Variants in SGCZ observed in about 807,000 individuals in gnomAD.
SGCZ encodes zeta-sarcoglycan.
Under a neutral mutation model 41.3 loss-of-function variants are expected in SGCZ, and 40 were observed. The ratio of observed to expected loss-of-function variants is 0.97; its 90% confidence interval spans 0.75 to 1.26. SGCZ has a LOEUF of 1.26. SGCZ is among the 50% of genes most tolerant of loss of function. The probability of loss-of-function intolerance (pLI) is 0.00; values close to 1 mark genes in which losing one functional copy is unlikely to be tolerated. For synonymous variants in SGCZ, 206 were observed against 137.5 expected, an observed-to-expected ratio of 1.50 and a Z score of -3.49; for missense variants, 552 against 369.8, an observed-to-expected ratio of 1.49 and a Z score of -4.04.
At chr8:14,369,538 T>C (rs1221130898) in intron 2 of SGCZ, among the ~76,000 whole-genome samples, 1 of 151,992 alleles carries the variant, frequency 6.6e-6, no homozygotes, top group African/African-American at 2.4e-5. Flanking sequence ...ATCTCCCAGG[T>C]TTCTCTACTG....
At chr8:15,210,259 C>CCACT (rs1395591194) in intron 1 of SGCZ, among the ~76,000 whole-genome samples, 1 of 152,054 alleles carries the variant, frequency 6.6e-6, no homozygotes, top group African/African-American at 2.4e-5. Context: ...TTTGCTATAG[C>CCACT]CACTTTTAGA....
chr8:15,211,750 C>G (rs778321597), intron 1 of SGCZ, among the ~76,000 whole-genome samples: 9 of 152,138 alleles, frequency 5.9e-5, no homozygotes, highest in Non-Finnish European at 1.0e-4. Flanking sequence ...CAACCTCTCC[C>G]CTTCTAATAA....
chr8:14,577,760 A>G (rs527738892), intron 1 of SGCZ, among the ~76,000 whole-genome samples: 7 of 152,288 alleles, frequency 4.6e-5, no homozygotes, highest in African/African-American at 1.7e-4. Context: ...AGTAACATTC[A>G]TCATTTTATC....
intron 1 of SGCZ, among the ~76,000 whole-genome samples, chr8:14,970,460 A>G (rs891033867): frequency 2.0e-5 from 3 of 152,124 alleles, no homozygotes; most frequent in African/African-American, 7.2e-5. Flanking sequence ...TTTAGACTTC[A>G]TATTTAGGTC....
intron 4 of SGCZ, among the ~76,000 whole-genome samples, chr8:14,211,953 T>G (rs1028801850): frequency 5.3e-5 from 8 of 152,168 alleles, no homozygotes; most frequent in Non-Finnish European, 1.2e-4. Flanking sequence ...CAGAAAGTTC[T>G]GAATCTCAGT....
chr8:14,768,366 T>A (rs887885448), intron 1 of SGCZ, among the ~76,000 whole-genome samples: 5 of 152,348 alleles, frequency 3.3e-5, no homozygotes, highest in Non-Finnish European at 1.5e-5. Context: ...CCATGTTGCG[T>A]CCTATAGTGA....
At chr8:15,148,272 G>A (rs1371415886) in intron 1 of SGCZ, among the ~76,000 whole-genome samples, 6 of 152,186 alleles carry the variant, frequency 3.9e-5, no homozygotes, top group South Asian at 2.1e-4. Flanking sequence ...AATAGTAGTT[G>A]GGATAAGCTG....
intron 6 of SGCZ, among the ~76,000 whole-genome samples, chr8:14,106,394 A>G (rs894720928): frequency 1.3e-5 from 2 of 152,206 alleles, no homozygotes; most frequent in Non-Finnish European, 2.9e-5. Flanking sequence ...TAGGGTTTCT[A>G]TATAGAGTAG....
At chr8:14,107,706 A>ATATC (rs1802249617) in intron 6 of SGCZ, among the ~76,000 whole-genome samples, 3 of 152,064 alleles carry the variant, frequency 2.0e-5, no homozygotes, top group Non-Finnish European at 4.4e-5. Context: ...CGGCATGATC[A>ATATC]TATCTCACTG....
intron 1 of SGCZ, among the ~76,000 whole-genome samples, chr8:15,206,064 A>G (rs1801052255): frequency 6.6e-6 from 1 of 152,142 alleles, no homozygotes; most frequent in South Asian, 2.1e-4. Context: ...AGCAGAAACA[A>G]AATAACTATT....
chr8:15,134,972 C>CT (rs1324791941), intron 1 of SGCZ, among the ~76,000 whole-genome samples: 12 of 152,222 alleles, frequency 7.9e-5, no homozygotes, highest in African/African-American at 2.2e-4. Flanking sequence ...TGTGGTTACT[C>CT]TAAGCGTTAG....
intron 1 of SGCZ, among the ~76,000 whole-genome samples, chr8:14,596,497 A>C (rs999691012): frequency 6.6e-6 from 1 of 152,232 alleles, no homozygotes; most frequent in African/African-American, 2.4e-5. Flanking sequence ...CATATGGTTT[A>C]AATAATAATA....
chr8:14,131,561 C>G (rs1259120678), intron 5 of SGCZ, among the ~76,000 whole-genome samples: 1 of 152,056 alleles, frequency 6.6e-6, no homozygotes, highest in African/African-American at 2.4e-5. Flanking sequence ...TTATACATTC[C>G]CTTTTTGTCT....
At chr8:14,885,298 T>A (rs983129816) in intron 1 of SGCZ, among the ~76,000 whole-genome samples, 1 of 152,160 alleles carries the variant, frequency 6.6e-6, no homozygotes, top group East Asian at 1.9e-4. Flanking sequence ...AGTGGGTGTT[T>A]GGGGATTAAT....
chr8:14,915,577 G>C (rs1303386917), intron 1 of SGCZ, among the ~76,000 whole-genome samples: 1 of 152,136 alleles, frequency 6.6e-6, no homozygotes, highest in Non-Finnish European at 1.5e-5. Context: ...GTAAAAAGCA[G>C]ACAAGATGGC....
In SGCZ at chr8:14,573,196, T is replaced by A. The variant is rs551687556; in HGVS notation, c.40-18270A>T. ...CAAGCTTTCTTAGCAAGTCTTTTTT[T>A]TTTTTTTTTTTTTTTTTTTGAGACG... On this transcript the variant is annotated intron_variant, in intron 1 of 7. Coordinates refer to ENST00000382080, the MANE Select transcript of SGCZ (RefSeq NM_139167.4). Among the ~76,000 whole-genome samples the A allele has an allele frequency of 6.5e-3, 876 of 135,666 alleles. 13 individuals are homozygous for A. The highest frequency in any genetic ancestry group is 0.023 in the African/African-American group (834 of 36,034). The allele number at this position is 135,666 out of a possible 152,430, so 89.0% of individuals were successfully genotyped here. A position where few individuals can be genotyped will look rare whatever the true frequency, so the allele number is the denominator to read the frequency against.
At chr8:14,949,620 C>T (rs144960505) in intron 1 of SGCZ, among the ~76,000 whole-genome samples, 2 of 152,144 alleles carry the variant, frequency 1.3e-5, no homozygotes, top group East Asian at 3.9e-4. Context: ...GACATGGAGA[C>T]ATTTCTATTT....
At chr8:14,133,628 C>CAAAG (rs1468819589) in intron 5 of SGCZ, among the ~76,000 whole-genome samples, 2 of 152,130 alleles carry the variant, frequency 1.3e-5, no homozygotes, top group Non-Finnish European at 2.9e-5. Flanking sequence ...AAAAACTCCT[C>CAAAG]AAAGATTTTT....
intron 2 of SGCZ, among the ~76,000 whole-genome samples, chr8:14,349,421 C>G (rs546308595): frequency 1.3e-5 from 2 of 152,202 alleles, no homozygotes; most frequent in African/African-American, 4.8e-5. Context: ...TAGACAGGGT[C>G]TAGATTCTCT....
Sources: gnomAD v4.1 joint callset for allele counts (sites outside exome capture counted in the v4.1 genomes callset) on GRCh38, gnomAD v4.1.1 for gene constraint, MANE v1.5 for transcripts, NCBI Gene and HGNC (gene_info 2026-07-23, HGNC 2026-07-21) for gene names.